Variants in ATG16L2 observed in about 807,000 individuals in gnomAD.
ATG16L2 encodes the protein autophagy related 16 like 2.
A neutral mutation model predicts 84.7 loss-of-function variants in ATG16L2; 77 were observed. The observed-to-expected ratio is 0.91, with a 90% CI of 0.76 to 1.10. The LOEUF (loss-of-function observed/expected upper bound fraction) is 1.10. ATG16L2 is among the 50% of genes least tolerant of loss of function. ATG16L2 has a pLI of 0.00. For synonymous variants in ATG16L2, 361 were observed against 342.8 expected, an observed-to-expected ratio of 1.05 and a Z score of -0.59; for missense variants, 782 against 817.6, an observed-to-expected ratio of 0.96 and a Z score of 0.53.
At position 72,814,474 on chromosome 11, in the gene ATG16L2, C is replaced by G; in HGVS notation, c.29C>G (p.Pro10Arg). 2.0e-6 allele frequency: 3 copies of G among 1,519,958 alleles called. No individual in the cohort carries two copies. Among genetic ancestry groups the G allele is most frequent in the Non-Finnish European group, 1.8e-6 (2 of 1,129,842 alleles). The allele number at this position is 1,519,958 out of a possible 1,614,324, so 94.2% of individuals were successfully genotyped here. A position where few individuals can be genotyped will look rare whatever the true frequency, so the allele number is the denominator to read the frequency against. Residue 10 changes from proline (P) to arginine (R), a missense_variant, in exon 1 of 18, where the codon CCC (proline) becomes CGC (arginine). Coordinates refer to ENST00000321297, the MANE Select transcript of ATG16L2 (RefSeq NM_033388.2). The stretch of plus-strand genomic sequence containing the variant: ...GCGGGGCCGGGCGTCCCCGGTGCCC[C>G]CGCAGCGCGCTGGAAACGCCACATC... The part of the protein sequence containing the change: MAGPGVPGA[P>R]AARWKRHIVR...
chr11:72,823,408 C>G, intron 7 of ATG16L2: 3 of 321,640 alleles, frequency 9.3e-6, no homozygotes, highest in South Asian at 5.0e-5. Context: ...TAGATGTGTG[C>G]TCACACTTGT....
At chr11:72,842,192 T>C (rs964962273) in intron 5 of ATG16L2, among the ~76,000 whole-genome samples, 1 of 152,186 alleles carries the variant, frequency 6.6e-6, no homozygotes, top group Non-Finnish European at 1.5e-5. Flanking sequence ...GGCAGGCTCA[T>C]TAATTCTCTG....
rs1465810842 is a variant in ATG16L2, at chr11:72,814,470, G to C, written c.25G>C (p.Ala9Pro). The change falls in exon 1 of 18, where the codon GCC becomes CCC. Residue 9 changes from alanine to proline, a missense_variant. Coordinates refer to ENST00000321297, the MANE Select transcript of ATG16L2 (RefSeq NM_033388.2). ...CATGGCGGGGCCGGGCGTCCCCGGT[G>C]CCCCCGCAGCGCGCTGGAAACGCCA... MAGPGVPG[A>P]PAARWKRHIV... 6.6e-7 allele frequency: 1 copy of C among 1,515,766 alleles called. No homozygotes were observed. Among genetic ancestry groups the C allele is most frequent in the Middle Eastern group, 2.1e-4 (1 of 4,788 alleles). 93.9% of individuals were successfully genotyped at this position (1,515,766 alleles called of 1,614,324 possible). A position where few individuals can be genotyped will look rare whatever the true frequency, so the allele number is the denominator to read the frequency against.
chr11:72,831,514 C>T (rs1364462371), downstream of ATG16L2, among the ~76,000 whole-genome samples: 2 of 152,166 alleles, frequency 1.3e-5, no homozygotes, highest in Non-Finnish European at 2.9e-5. Flanking sequence ...TCAACAACAA[C>T]AAAATTCTCT....
chr11:72,824,839 G>C lies in ATG16L2; in HGVS notation c.993G>C (p.Val331=). 1.3e-6 allele frequency: 2 copies of C among 1,586,088 alleles called. No homozygotes were observed. The highest frequency in any genetic ancestry group is 1.7e-6 in the Non-Finnish European group (2 of 1,166,158). The stretch of plus-strand genomic sequence containing the variant: ...GACTTCCTACCCGGGCTCAGGATGT[G>C]CTGGTAAGGGAGGAGCTGAGCCACA... ...AARLPTRAQD[V]LDAHLSEVNA... is the part of the protein sequence containing the mutation. The change falls in exon 9 of 18, where the codon GTG becomes GTC. Residue 331 remains valine, a synonymous_variant. Coordinates refer to ENST00000321297, the MANE Select transcript of ATG16L2 (RefSeq NM_033388.2).
intron 7 of ATG16L2, 26 bp from the exon 8 acceptor site, chr11:72,824,034 G>C (rs201827763): frequency 1.2e-6 from 2 of 1,613,936 alleles, no homozygotes; most frequent in African/African-American, 1.3e-5. Flanking sequence ...CAGTCCCTTA[G>C]CATATCTCTC....
intron 9 of ATG16L2, 93 bp downstream of exon 9, chr11:72,824,935 A>G (rs554883122): frequency 7.5e-6 from 8 of 1,068,496 alleles, no homozygotes; most frequent in Non-Finnish European, 1.1e-5. Flanking sequence ...CCAAGAGGCC[A>G]GGGAAGCAAG....
Position 72,822,253 on chromosome 11 carries a change from G to C in ATG16L2, c.602G>C (p.Arg201Pro), listed in dbSNP as rs1348095465. ...GAGAGGCTCGTGCAGCGCAAGGCGC[G>C]CGCCGCGGCCGAGCGCAACCTGCGC... is the stretch of plus-strand genomic sequence containing the variant. ...LLERLVQRKA[R>P]AAAERNLRNE... Residue 201 changes from arginine to proline, a missense_variant, in exon 5 of 18, where the codon CGC (arginine) becomes CCC (proline). By Grantham distance (103) the Arg-to-Pro change is moderately radical (BLOSUM62 -2). Coordinates refer to ENST00000321297, the MANE Select transcript of ATG16L2 (RefSeq NM_033388.2). This position sits in a 1 kb window ranked among gnomAD's most constrained non-coding sequence, Gnocchi z 4.2. 1 of 1,499,152 alleles carries C rather than the reference G, an allele frequency of 6.7e-7. No homozygotes were observed. Among genetic ancestry groups the C allele is most frequent in the Non-Finnish European group, 8.8e-7 (1 of 1,134,412 alleles). The allele number at this position is 1,499,152 out of a possible 1,614,324, so 92.9% of individuals were successfully genotyped here.
At chr11:72,828,619 TCCTGCTGAGGTACCAAACC>T in intron 15 of ATG16L2, 91 bp from the exon 16 acceptor site, 1 of 1,591,296 alleles carries the variant, frequency 6.3e-7, no homozygotes, top group South Asian at 1.1e-5. Context: ...CCAGACCAGG[TCCTGCTGAGGTACCAAACC>T]CCTCGACAAA....
intron 5 of ATG16L2, among the ~76,000 whole-genome samples, chr11:72,835,891 G>A (rs937326911): frequency 2.6e-5 from 4 of 152,040 alleles, no homozygotes; most frequent in Admixed American, 6.5e-5. Context: ...TGGGATTACA[G>A]GCATGAGCTA....
intron 3 of ATG16L2, 153 bp downstream of exon 3, chr11:72,818,008 G>A (rs1859790183): frequency 1.4e-6 from 1 of 714,578 alleles, no homozygotes; most frequent in African/African-American, 1.8e-5. Context: ...ACCTGAAGCT[G>A]AGCAGGGGTC....
At position 72,826,895 on chromosome 11, in the gene ATG16L2, C is replaced by T. The variant is rs544163827; in HGVS notation, c.1366+72C>T. On this transcript the variant is annotated intron_variant, in intron 13 of 17. Coordinates refer to ENST00000321297, the MANE Select transcript of ATG16L2 (RefSeq NM_033388.2). The stretch of plus-strand genomic sequence containing the variant: ...CCCCAGGCCAGGGCACAAGGGACCT[C>T]ACCTGCTCTCTGGGAGTGGCTCTGA... The T allele has an allele frequency of 3.9e-6, 6 of 1,548,504 alleles. No homozygotes were observed. In the Admixed American group the frequency reaches 1.1e-4, roughly 29 times the overall value.
chr11:72,842,562 C>G, intron 5 of ATG16L2: 1 of 1,603,624 alleles, frequency 6.2e-7, no homozygotes, highest in Non-Finnish European at 8.5e-7. Flanking sequence ...ATCCACAGAC[C>G]CTTTGGGAGC....
At chr11:72,839,372 A>C (rs1485654730) in intron 5 of ATG16L2, among the ~76,000 whole-genome samples, 1 of 152,244 alleles carries the variant, frequency 6.6e-6, no homozygotes. Context: ...GATTTTAAGC[A>C]ATATCAGATC....
Position 72,829,496 on chromosome 11 carries a change from A to T in ATG16L2, c.*106A>T. The stretch of plus-strand genomic sequence containing the variant: ...GGACTGGAGCTGGCCTTGGGATTTA[A>T]TGGGGAAGAAGGCCTGGCAGGACCT... On this transcript the variant is annotated 3_prime_UTR_variant, in exon 18 of 18. Coordinates refer to ENST00000321297, the MANE Select transcript of ATG16L2 (RefSeq NM_033388.2). 6.8e-7 allele frequency: 1 copy of T among 1,469,318 alleles called. No individual in the cohort carries two copies. The allele number at this position is 1,469,318 out of a possible 1,614,324, so 91.0% of individuals were successfully genotyped here. A position where few individuals can be genotyped will look rare whatever the true frequency, so the allele number is the denominator to read the frequency against.
chr11:72,820,962 G>T (rs1473115242), intron 3 of ATG16L2, among the ~76,000 whole-genome samples: 3 of 152,160 alleles, frequency 2.0e-5, no homozygotes, highest in African/African-American at 7.2e-5. Context: ...GTCCATGCCT[G>T]ATCTTAGCCT....
downstream of ATG16L2, among the ~76,000 whole-genome samples, chr11:72,829,932 G>C (rs747995950): frequency 5.3e-5 from 8 of 152,186 alleles, no homozygotes; most frequent in Non-Finnish European, 1.2e-4. Context: ...GCTGAGGAGG[G>C]GCTGGGGGAG....
chr11:72,843,125 A>G (rs1490885107), exon 6 of ATG16L2: 1 of 1,611,514 alleles, frequency 6.2e-7, no homozygotes, highest in Admixed American at 1.7e-5. Context: ...GTGACCAAAT[A>G]AAGAGTGCCT....
At chr11:72,843,561 T>A in exon 6 of ATG16L2, 1 of 1,539,984 alleles carries the variant, frequency 6.5e-7, no homozygotes, top group Non-Finnish European at 9.0e-7. Flanking sequence ...ATGGACAAAA[T>A]TAAAAAGGTT....
Sources: gnomAD v4.1 joint callset for allele counts (sites outside exome capture counted in the v4.1 genomes callset) on GRCh38, gnomAD v4.1.1 for gene constraint, Gnocchi (gnomAD v3.1) non-coding constraint, MANE v1.5 for transcripts, NCBI Gene and HGNC (gene_info 2026-07-23, HGNC 2026-07-21) for gene names.